UBE3B: variants seen among roughly 807,000 people sequenced by gnomAD.
UBE3B encodes ubiquitin protein ligase E3B.
UBE3B carries 80 observed loss-of-function variants against 132.3 expected under a neutral mutation model. The observed-to-expected ratio is 0.60, with a 90% confidence interval of 0.50 to 0.73. The LOEUF is 0.73. Among genes scored for constraint, UBE3B ranks in the 30% least tolerant of loss-of-function variants. UBE3B has a pLI of 0.00. For synonymous variants in UBE3B, 487 were observed against 520.4 expected (o/e 0.94, Z 0.87); for missense variants, 1,196 against 1,362.5 (o/e 0.88, Z 1.92).
chr12:109,534,942 C>T lies in UBE3B; in HGVS notation c.*160C>T, dbSNP rs949110766. 6 of 515,236 alleles carry T rather than the reference C, an allele frequency of 1.2e-5. No homozygotes were observed. The highest frequency in any genetic ancestry group is 3.9e-5 in the Admixed American group (1 of 25,442). 31.9% of individuals were successfully genotyped at this position (515,236 alleles called of 1,614,324 possible). ...TCCTTGTGGCCTCAAGAAATTTAGA[C>T]GCCCACGACAGCACTACACAGCATC... On this transcript the variant is annotated 3_prime_UTR_variant, in exon 28 of 28. Transcript: ENST00000342494. This position sits in a 1 kb window ranked among gnomAD's most constrained non-coding sequence, Gnocchi z 5.2.
chr12:109,525,109 G>A (rs945735460), intron 23 of UBE3B, among the ~76,000 whole-genome samples: 3 of 152,158 alleles, frequency 2.0e-5, no homozygotes, highest in Admixed American at 6.5e-5. Flanking sequence ...TATTAGACTC[G>A]CGCTTGGGCA....
At chr12:109,530,519 G>C in intron 25 of UBE3B, 28 bp from the exon 26 acceptor site, 2 of 1,606,988 alleles carry the variant, frequency 1.2e-6, no homozygotes, top group Non-Finnish European at 1.7e-6. Flanking sequence ...CTAGCACATT[G>C]CTGAGCCCAG....
At chr12:109,501,600 C>T (rs1566089153) in intron 13 of UBE3B, 66 bp downstream of exon 13, 1 of 1,540,434 alleles carries the variant, frequency 6.5e-7, no homozygotes, top group Non-Finnish European at 8.8e-7. Flanking sequence ...CTGTTTCTTC[C>T]TATATGGATG....
rs2136068906 is a variant in UBE3B, at chr12:109,521,678, G to A, written c.2364+127G>A. On this transcript the variant is annotated intron_variant, in intron 21 of 27. Coordinates refer to ENST00000342494, the MANE Select transcript of UBE3B (RefSeq NM_130466.4). This position sits in a 1 kb window ranked among gnomAD's most constrained non-coding sequence, Gnocchi z 4.2. ...CACTAGGATACAAGCGAGGACAGGG[G>A]CAGGAACCAAGGTTTGTTGTACACC... 1 of 844,120 alleles carries A rather than the reference G, an allele frequency of 1.2e-6. No homozygotes were observed. The highest frequency in any genetic ancestry group is 1.7e-6 in the Non-Finnish European group (1 of 574,244). 52.3% of individuals were successfully genotyped at this position (844,120 alleles called of 1,614,324 possible).
chr12:109,497,960 T>C (rs764845806), intron 10 of UBE3B, 37 bp downstream of exon 10: 13 of 1,601,724 alleles, frequency 8.1e-6, no homozygotes, highest in East Asian at 2.2e-5. Context: ...GAAAACCCAA[T>C]TGTGTTTTTC....
intron 18 of UBE3B, among the ~76,000 whole-genome samples, chr12:109,515,486 C>T (rs1880924267): frequency 6.6e-6 from 1 of 152,092 alleles, no homozygotes; most frequent in South Asian, 2.1e-4. Flanking sequence ...TCTCCTGCCT[C>T]AGCCTCCCGA....
rs777094936 is a variant in UBE3B, at chr12:109,530,609, A to T, written c.2873A>T (p.Asp958Val). ...GSHRVIIWLW[D>V]ILASDFTPDE... ...CACAGAGTCATCATCTGGCTCTGGG[A>T]TATTCTGGCCTCCGACTTCACACCG... Residue 958 changes from aspartate to valine, a missense_variant, in exon 26 of 28, where the codon GAT (aspartate) becomes GTT (valine). Coordinates refer to ENST00000342494, the MANE Select transcript of UBE3B (RefSeq NM_130466.4). 1.2e-6 allele frequency: 2 copies of T among 1,614,164 alleles called. No homozygotes were observed. The highest frequency in any genetic ancestry group is 2.2e-5 in the South Asian group (2 of 91,080).
chr12:109,515,044 G>A (rs1389320927), intron 18 of UBE3B, among the ~76,000 whole-genome samples: 1 of 151,854 alleles, frequency 6.6e-6, no homozygotes, highest in East Asian at 1.9e-4. Context: ...CTCCCGAGTA[G>A]CTGGGACTAC....
intron 19 of UBE3B, chr12:109,520,919 C>G: frequency 2.1e-6 from 1 of 474,392 alleles, no homozygotes; most frequent in East Asian, 3.4e-5. Context: ...CCCTTGAGGT[C>G]AGTCTCCCCT....
At position 109,481,987 on chromosome 12, in the gene UBE3B, G is replaced by T. The variant is rs553697254; in HGVS notation, c.-22+245G>T. On this transcript the variant is annotated intron_variant, in intron 2 of 27. Transcript: ENST00000342494. ...GTTTGACAGATCACTGTTGAGAAGG[G>T]GTCACAGAGGTCCCTTGATATGTTC... Among the ~76,000 whole-genome samples, 18 of 152,226 alleles carry T rather than the reference G, an allele frequency of 1.2e-4. No homozygotes were observed. In the East Asian group the frequency reaches 3.5e-3, roughly 29 times the overall value.
At position 109,524,515 on chromosome 12, in the gene UBE3B, C is replaced by G; in HGVS notation, c.2568+12C>G. 6.2e-7 allele frequency: 1 copy of G among 1,613,608 alleles called. No individual in the cohort carries two copies. The highest frequency in any genetic ancestry group is 1.1e-5 in the South Asian group (1 of 91,028). ...ACGTCATGGGTCAGGTAGGTCCGCCCTTTGGCTGAGCTCCCTTTCCACTGC... is the reference window on the plus strand; with the variant it reads ...ACGTCATGGGTCAGGTAGGTCCGCCGTTTGGCTGAGCTCCCTTTCCACTGC... On this transcript the variant is annotated intron_variant, in intron 23 of 27. Coordinates refer to ENST00000342494, the MANE Select transcript of UBE3B (RefSeq NM_130466.4).
In UBE3B at chr12:109,530,623, G is replaced by T. The variant is rs61748816; in HGVS notation, c.2887G>T (p.Asp963Tyr). 6.2e-7 allele frequency: 1 copy of T among 1,614,144 alleles called. No homozygotes were observed. The highest frequency in any genetic ancestry group is 2.2e-5 in the East Asian group (1 of 44,882). The change falls in exon 26 of 28, where the codon GAC becomes TAC. Residue 963 changes from aspartate to tyrosine, a missense_variant. Coordinates refer to ENST00000342494, the MANE Select transcript of UBE3B (RefSeq NM_130466.4). ...IIWLWDILASDFTPDERAMFL... is the reference protein window; with the variant it reads ...IIWLWDILASYFTPDERAMFL... ...CTGGCTCTGGGATATTCTGGCCTCCGACTTCACACCGGATGAGAGAGCTAT... is the reference window on the plus strand; with the variant it reads ...CTGGCTCTGGGATATTCTGGCCTCCTACTTCACACCGGATGAGAGAGCTAT...
intron 9 of UBE3B, among the ~76,000 whole-genome samples, chr12:109,495,948 AG>A (rs1480188932): frequency 6.6e-6 from 1 of 152,218 alleles, no homozygotes; most frequent in African/African-American, 2.4e-5. Flanking sequence ...GTTTATGGCC[AG>A]TTTTGGGGCC....
chr12:109,479,970 G>T (rs1220217583), intron 1 of UBE3B, among the ~76,000 whole-genome samples: 1 of 152,140 alleles, frequency 6.6e-6, no homozygotes, highest in African/African-American at 2.4e-5. Context: ...CATTGTGCTT[G>T]TGGCTTGGGC....
At position 109,534,114 on chromosome 12, in the gene UBE3B, C is replaced by T. The variant is rs1024827550; in HGVS notation, c.3016-477C>T. ...AGTGGCCGCCTCTGGGTGTAGCTGC[C>T]TCTCATGATGCAGTTTGAGCCCGTG... On this transcript the variant is annotated intron_variant, in intron 27 of 27. Coordinates refer to ENST00000342494, the MANE Select transcript of UBE3B (RefSeq NM_130466.4). This position sits in a 1 kb window ranked among gnomAD's most constrained non-coding sequence, Gnocchi z 5.2. The T allele has an allele frequency of 2.3e-6, 3 of 1,295,542 alleles. No homozygotes were observed. The East Asian group carries it at 1.6e-4, about 71-fold the overall frequency. The allele number at this position is 1,295,542 out of a possible 1,614,324, so 80.3% of individuals were successfully genotyped here.
intron 7 of UBE3B, 89 bp from the exon 8 acceptor site, chr12:109,489,830 C>A: frequency 8.0e-7 from 1 of 1,253,620 alleles, no homozygotes; most frequent in South Asian, 1.2e-5. Flanking sequence ...TTCTTAGGGC[C>A]TCGGATGTGG....
chr12:109,516,668 C>G (rs1165841111), intron 18 of UBE3B, 97 bp from the exon 19 acceptor site: 2 of 1,544,252 alleles, frequency 1.3e-6, no homozygotes, highest in African/African-American at 2.7e-5. Context: ...CTGCTTGCAT[C>G]TCATCTAACT....
At chr12:109,510,884 T>C (rs1379073926) in intron 17 of UBE3B, among the ~76,000 whole-genome samples, 1 of 152,178 alleles carries the variant, frequency 6.6e-6, no homozygotes, top group African/African-American at 2.4e-5. Context: ...GTATCTGCAT[T>C]TTTATCAATG....
chr12:109,514,044 C>T (rs1880691520), intron 18 of UBE3B, among the ~76,000 whole-genome samples: 1 of 152,228 alleles, frequency 6.6e-6, no homozygotes, highest in Non-Finnish European at 1.5e-5. Context: ...CTCGATTTCA[C>T]TATAATGCCT....
Sources: allele counts gnomAD v4.1 joint callset (sites outside exome capture counted in the v4.1 genomes callset), GRCh38; gene constraint gnomAD v4.1.1; non-coding constraint Gnocchi (gnomAD v3.1); transcripts MANE v1.5; gene names NCBI Gene and HGNC (gene_info 2026-07-23, HGNC 2026-07-21).